TAF4: variants seen among roughly 807,000 people sequenced by gnomAD.
TAF4 encodes TATA-box binding protein associated factor 4.
Under a neutral mutation model 90.3 loss-of-function variants are expected in TAF4, and 9 were observed. The observed-to-expected ratio is 0.10, with a 90% confidence interval of 0.06 to 0.17. The LOEUF (loss-of-function observed/expected upper bound fraction) is 0.17. Ranked by LOEUF, TAF4 falls within the 10% of genes least tolerant of loss-of-function variation. The pLI, the probability that TAF4 is intolerant of heterozygous loss-of-function variation, is 1.00. For synonymous variants in TAF4, 818 were observed against 638.9 expected, an observed-to-expected ratio of 1.28 and a Z score of -4.23; for missense variants, 1,351 against 1,370.7, an observed-to-expected ratio of 0.99 and a Z score of 0.23.
At chr20:62,061,847 T>C (rs2056090419) in intron 1 of TAF4, among the ~76,000 whole-genome samples, 1 of 152,240 alleles carries the variant, frequency 6.6e-6, no homozygotes, top group Non-Finnish European at 1.5e-5. Flanking sequence ...TAACTGTCTT[T>C]ACAACACTGT....
rs549644340 is a variant in TAF4 at position 62,010,412 on chromosome 20, C to T, written c.1642-247G>A. On this transcript the variant is annotated intron_variant, in intron 3 of 14. Coordinates refer to ENST00000252996, the MANE Select transcript of TAF4 (RefSeq NM_003185.4). This position sits in a 1 kb window ranked among gnomAD's most constrained non-coding sequence, Gnocchi z 4.5. ...GCATGATTTGCACCTGCATCAAAAA[C>T]GGACGTTCACAAAGCCAGGCACTGC... 4.3e-4 allele frequency among the ~76,000 whole-genome samples: 66 copies of T among 152,260 alleles called. No homozygotes were observed. The highest frequency in any genetic ancestry group is 7.8e-4 in the Admixed American group (12 of 15,298).
At chr20:61,983,043 G>A (rs2055560278) in intron 14 of TAF4, among the ~76,000 whole-genome samples, 3 of 152,344 alleles carry the variant, frequency 2.0e-5, no homozygotes, top group East Asian at 1.9e-4. Flanking sequence ...CAGGCTCTGA[G>A]TGAGGCGGAG....
chr20:61,979,567 C>T (rs1439552056), intron 14 of TAF4, among the ~76,000 whole-genome samples: 2 of 146,320 alleles, frequency 1.4e-5, no homozygotes, highest in African/African-American at 2.6e-5. Flanking sequence ...GGGACTGCGG[C>T]CCATGCAGGC....
chr20:61,984,778 C>A (rs1690458002), intron 14 of TAF4, among the ~76,000 whole-genome samples: 1 of 150,470 alleles, frequency 6.6e-6, no homozygotes, highest in South Asian at 2.1e-4. Flanking sequence ...CTGACCTGTG[C>A]TGCACTGCCA....
chr20:61,983,198 C>T (rs949835691), intron 14 of TAF4, among the ~76,000 whole-genome samples: 2 of 151,438 alleles, frequency 1.3e-5, no homozygotes, highest in African/African-American at 2.4e-5. Flanking sequence ...TCGACTGCAG[C>T]GTGAACAGTC....
chr20:62,006,576 G>T lies in TAF4; in HGVS notation c.2157C>A (p.Pro719=). The T allele has an allele frequency of 6.3e-7, 1 of 1,596,240 alleles. No individual in the cohort carries two copies. Among genetic ancestry groups the T allele is most frequent in the Admixed American group, 1.7e-5 (1 of 58,474 alleles). ...TAATVTSALQ[P]PVLSLTQPTQ... ...TGGGCTGCGTGAGGCTGAGCACAGG[G>T]GGCTGGAGGGCACTGGTCACGGTGG... Residue 719 remains proline, a synonymous_variant, in exon 7 of 15, where the codon CCC becomes CCA. Transcript: ENST00000252996. This position sits in a 1 kb window ranked among gnomAD's most constrained non-coding sequence, Gnocchi z 7.0.
chr20:61,990,521 C>T (rs759554607), intron 14 of TAF4, among the ~76,000 whole-genome samples: 42 of 152,128 alleles, frequency 2.8e-4, no homozygotes, highest in East Asian at 7.7e-4. Flanking sequence ...ACCTGAAGGA[C>T]GCTGCAGAAC....
chr20:61,982,555 A>G (rs1367042252), intron 14 of TAF4, among the ~76,000 whole-genome samples: 8 of 91,894 alleles, frequency 8.7e-5, no homozygotes, highest in African/African-American at 3.1e-4. Context: ...ACAAACCCAC[A>G]CCCCACCCGA....
intron 1 of TAF4, among the ~76,000 whole-genome samples, chr20:62,030,325 G>A (rs990117655): frequency 1.3e-5 from 2 of 152,218 alleles, no homozygotes; most frequent in African/African-American, 2.4e-5. Context: ...CATCACAGAC[G>A]TCACCACCCA....
intron 14 of TAF4, among the ~76,000 whole-genome samples, chr20:61,995,476 AG>A (rs1338158326): frequency 2.6e-5 from 4 of 152,264 alleles, no homozygotes; most frequent in Non-Finnish European, 5.9e-5. Context: ...ACTGAAGTCC[AG>A]GAACACAGGC....
chr20:62,020,011 A>G (rs1256692201), intron 1 of TAF4, among the ~76,000 whole-genome samples: 2 of 151,858 alleles, frequency 1.3e-5, no homozygotes, highest in Non-Finnish European at 2.9e-5. Flanking sequence ...AGCCCCGGCT[A>G]CCTCTTGGCC....
intron 14 of TAF4, among the ~76,000 whole-genome samples, chr20:61,995,959 G>T (rs184433742): frequency 6.6e-6 from 1 of 152,038 alleles, no homozygotes; most frequent in East Asian, 1.9e-4. Flanking sequence ...ACAGATCTGT[G>T]AAGTTCAGAG....
chr20:62,047,523 AC>A (rs2056000336), intron 1 of TAF4, among the ~76,000 whole-genome samples: 1 of 151,886 alleles, frequency 6.6e-6, no homozygotes, highest in Non-Finnish European at 1.5e-5. Flanking sequence ...GACCCTCCCC[AC>A]CCCCGCACAA....
rs551749583 is a variant in TAF4, at chr20:62,065,822, G to GGCC, written c.-15_-13dup. ...GAGCCCGCCGCCATCTTTTTTCCTC[G>GGCC]GCCGCCGCCGCCGCCGCCGCTCGGG... On this transcript the variant is annotated 5_prime_UTR_variant, in exon 1 of 15. Transcript: ENST00000252996. The GGCC allele has an allele frequency of 1.3e-4, 165 of 1,266,876 alleles. No individual in the cohort carries two copies. The highest frequency in any genetic ancestry group is 6.6e-4 in the African/African-American group (41 of 61,906). 78.5% of individuals were successfully genotyped at this position (1,266,876 alleles called of 1,614,324 possible).
chr20:62,000,671 G>A lies in TAF4; in HGVS notation c.2537C>T (p.Ser846Leu). ...DVASMAGVNL[S>L]EESARILATN... ...GGCTAATATTCTTGCACTTTCTTCTGACAAGTTTACTCCAGCCATCGATGC... is the reference window on the plus strand; with the variant it reads ...GGCTAATATTCTTGCACTTTCTTCTAACAAGTTTACTCCAGCCATCGATGC... Residue 846 changes from serine (S) to leucine (L), a missense_variant, in exon 10 of 15, where the codon TCA (serine) becomes TTA (leucine). Around this residue, in one of 9 missense-constraint regions of TAF4, gnomAD observed 95 missense variants for 151.3 expected, o/e 0.63. Transcript: ENST00000252996. 6.2e-7 allele frequency: 1 copy of A among 1,614,234 alleles called. No individual in the cohort carries two copies. Among genetic ancestry groups the A allele is most frequent in the Non-Finnish European group, 8.5e-7 (1 of 1,180,046 alleles).
At chr20:62,018,401 T>C (rs981613640) in intron 1 of TAF4, among the ~76,000 whole-genome samples, 15 of 152,240 alleles carry the variant, frequency 9.9e-5, no homozygotes, top group African/African-American at 1.7e-4. Context: ...GCAGCATCTA[T>C]TCACGCCAAG....
intron 1 of TAF4, among the ~76,000 whole-genome samples, chr20:62,014,947 T>C (rs1220149022): frequency 6.6e-6 from 1 of 152,232 alleles, no homozygotes; most frequent in African/African-American, 2.4e-5. Context: ...CTTCCTTTTA[T>C]GAATGAGCTG....
At chr20:62,008,468 G>T (rs1465553382) in intron 5 of TAF4, among the ~76,000 whole-genome samples, 2 of 151,672 alleles carry the variant, frequency 1.3e-5, no homozygotes. Context: ...TAAGGAGAGG[G>T]GAGGCTGCCA....
chr20:62,037,255 G>A (rs1203489571), intron 1 of TAF4, among the ~76,000 whole-genome samples: 1 of 152,110 alleles, frequency 6.6e-6, no homozygotes, highest in Admixed American at 6.5e-5. Context: ...TACACTGGAG[G>A]TTGTGGCCAG....
Sources: allele counts gnomAD v4.1 joint callset (sites outside exome capture counted in the v4.1 genomes callset), GRCh38; gene constraint gnomAD v4.1.1; regional missense constraint gnomAD v4.1.1; non-coding constraint Gnocchi (gnomAD v3.1); transcripts MANE v1.5; gene names NCBI Gene and HGNC (gene_info 2026-07-23, HGNC 2026-07-21).